Variants in SENP7 observed in about 807,000 individuals in gnomAD.
SENP7 encodes SUMO specific peptidase 7.
A neutral mutation model predicts 141.2 loss-of-function variants in SENP7; 64 were observed. That is an observed-to-expected ratio of 0.45 (90% CI 0.37 to 0.56). SENP7 has a LOEUF of 0.56. SENP7 is among the 20% of genes least tolerant of loss of function. The pLI, the probability that SENP7 is intolerant of heterozygous loss-of-function variation, is 0.00. For synonymous variants in SENP7, 382 were observed against 426.4 expected (o/e 0.90, Z 1.28); for missense variants, 1,025 against 1,212.2 (o/e 0.85, Z 2.29).
chr3:101,478,139 T>C (rs148620585), intron 3 of SENP7, among the ~76,000 whole-genome samples: 59 of 152,076 alleles, frequency 3.9e-4, no homozygotes, highest in African/African-American at 8.7e-4. Context: ...TAGAAAAAGA[T>C]AGATAAATTT....
intron 3 of SENP7, among the ~76,000 whole-genome samples, chr3:101,487,716 G>T (rs2064791013): frequency 6.6e-6 from 1 of 152,052 alleles, no homozygotes; most frequent in Admixed American, 6.6e-5. Flanking sequence ...ATTGAATAGG[G>T]AATCCTTTCC....
intron 18 of SENP7, 27 bp from the exon 19 acceptor site, chr3:101,332,136 T>C (rs748217268): frequency 1.9e-6 from 3 of 1,606,978 alleles, no homozygotes; most frequent in East Asian, 2.2e-5. Flanking sequence ...ACAATCTTAA[T>C]ACCATGCAAA....
Position 101,414,666 on chromosome 3 carries a change from C to A in SENP7, c.482+2927G>T, listed in dbSNP as rs72942217. On this transcript the variant is annotated intron_variant, in intron 5 of 23. Coordinates refer to ENST00000394095, the MANE Select transcript of SENP7 (RefSeq NM_020654.5). Reference sequence around the variant, plus strand: ...TGCCAGTGGCCATGGGGGCTGAGGGCAAGAATATATTTTTTATAAGGCATT... The same window carrying A: ...TGCCAGTGGCCATGGGGGCTGAGGGAAAGAATATATTTTTTATAAGGCATT... 2.2e-3 allele frequency: 2,738 copies of A among 1,270,892 alleles called. 40 individuals are homozygous for A. The African/African-American group carries it at 0.036, about 17-fold the overall frequency. 78.7% of individuals were successfully genotyped at this position (1,270,892 alleles called of 1,614,324 possible).
At chr3:101,434,387 G>A (rs1373698405) in intron 4 of SENP7, among the ~76,000 whole-genome samples, 1 of 151,178 alleles carries the variant, frequency 6.6e-6, no homozygotes, top group East Asian at 1.9e-4. Context: ...AAAATAGCAA[G>A]AGCAAACCAA....
rs533603510 is a variant in SENP7 at position 101,359,463 on chromosome 3, C to T, written c.1623+2252G>A. Among the ~76,000 whole-genome samples the T allele has an allele frequency of 1.5e-4, 22 of 151,322 alleles. No homozygotes were observed. In the East Asian group the frequency reaches 3.7e-3, roughly 25 times the overall value. On this transcript the variant is annotated intron_variant, in intron 11 of 23. Coordinates refer to ENST00000394095, the MANE Select transcript of SENP7 (RefSeq NM_020654.5). ...AGGGATAGTTTGACTTCCTCTCCTC[C>T]AATTTGAATGTACTTTCTTTCTTTC...
chr3:101,346,323 T>G (rs548416407), intron 13 of SENP7, among the ~76,000 whole-genome samples: 4 of 152,310 alleles, frequency 2.6e-5, no homozygotes, highest in African/African-American at 9.6e-5. Flanking sequence ...GAATGTAAAC[T>G]AGTACACCCA....
intron 4 of SENP7, among the ~76,000 whole-genome samples, chr3:101,424,315 C>T (rs2061883133): frequency 7.3e-6 from 1 of 136,954 alleles, no homozygotes; most frequent in Non-Finnish European, 1.6e-5. Flanking sequence ...TGGCAACCCA[C>T]CCCCCATCCC....
intron 23 of SENP7, 99 bp from the exon 24 acceptor site, chr3:101,326,179 T>G: frequency 1.0e-6 from 1 of 954,158 alleles, no homozygotes; most frequent in Non-Finnish European, 1.5e-6. Context: ...CTAACTTTTT[T>G]AAAATAACAA....
intron 5 of SENP7, among the ~76,000 whole-genome samples, chr3:101,402,896 T>C (rs772810311): frequency 1.3e-5 from 2 of 152,218 alleles, no homozygotes; most frequent in Non-Finnish European, 2.9e-5. Flanking sequence ...ATCCATTCTA[T>C]AGCCCATGGA....
chr3:101,374,013 C>T (rs2060250075), intron 6 of SENP7, among the ~76,000 whole-genome samples: 1 of 152,038 alleles, frequency 6.6e-6, no homozygotes, highest in African/African-American at 2.4e-5. Context: ...TCCAATGCAA[C>T]AAAATTCTAA....
At chr3:101,417,274 C>T (rs2061652581) in intron 5 of SENP7, among the ~76,000 whole-genome samples, 1 of 151,880 alleles carries the variant, frequency 6.6e-6, no homozygotes, top group Non-Finnish European at 1.5e-5. Flanking sequence ...TATACACACA[C>T]GTATATATAT....
At chr3:101,457,519 C>G in intron 4 of SENP7, 6 of 1,609,420 alleles carry the variant, frequency 3.7e-6, no homozygotes, top group Non-Finnish European at 5.1e-6. Context: ...AAGTGGATCA[C>G]TGTTCCTTGG....
At chr3:101,357,556 T>C (rs948529386) in intron 11 of SENP7, 61 of 1,333,966 alleles carry the variant, frequency 4.6e-5, no homozygotes, top group Non-Finnish European at 5.9e-5. Context: ...TGAGAAGATA[T>C]GAAAAATGTG....
intron 5 of SENP7, among the ~76,000 whole-genome samples, chr3:101,410,662 C>T (rs1014491793): frequency 3.3e-5 from 5 of 151,956 alleles, no homozygotes; most frequent in Admixed American, 1.3e-4. Context: ...GCTTAGCCAA[C>T]ATGGCAAAAC....
chr3:101,394,536 G>A (rs1378367383), intron 6 of SENP7, among the ~76,000 whole-genome samples: 4 of 149,562 alleles, frequency 2.7e-5, no homozygotes, highest in East Asian at 3.9e-4. Flanking sequence ...TTTTTGAGAC[G>A]GAGTCTGGCT....
chr3:101,410,682 T>G (rs1440727330), intron 5 of SENP7, among the ~76,000 whole-genome samples: 2 of 151,626 alleles, frequency 1.3e-5, no homozygotes, highest in Admixed American at 1.3e-4. Flanking sequence ...CTCCATCTAC[T>G]AAAAATACAA....
intron 4 of SENP7, among the ~76,000 whole-genome samples, chr3:101,434,252 T>C (rs2107732418): frequency 6.6e-6 from 1 of 151,710 alleles, no homozygotes; most frequent in East Asian, 1.9e-4. Flanking sequence ...GGAAACACAA[T>C]ACAGCAAAAC....
At chr3:101,466,942 G>A (rs2063778306) in intron 3 of SENP7, among the ~76,000 whole-genome samples, 1 of 152,202 alleles carries the variant, frequency 6.6e-6, no homozygotes, top group African/African-American at 2.4e-5. Context: ...AAGGGAAGCT[G>A]TGACAGGCTA....
At chr3:101,456,840 C>T (rs112218677) in intron 4 of SENP7, among the ~76,000 whole-genome samples, 2,785 of 152,138 alleles carry the variant, frequency 0.018, 31 homozygotes, top group Non-Finnish European at 0.027. Context: ...TTGCCTAAGC[C>T]GTACTTGAAC....
Sources: gnomAD v4.1 joint callset for allele counts (sites outside exome capture counted in the v4.1 genomes callset) on GRCh38, gnomAD v4.1.1 for gene constraint, MANE v1.5 for transcripts, NCBI Gene and HGNC (gene_info 2026-07-23, HGNC 2026-07-21) for gene names.